RFX3: variants seen among roughly 807,000 people sequenced by gnomAD.
RFX3 encodes regulatory factor X3.
A neutral mutation model predicts 98.6 loss-of-function variants in RFX3; 14 were observed. The observed-to-expected ratio is 0.14, with a 90% CI of 0.09 to 0.22. The LOEUF (loss-of-function observed/expected upper bound fraction) is 0.22. Among genes scored for constraint, RFX3 ranks in the 10% least tolerant of loss-of-function variants. RFX3 has a pLI of 1.00. For synonymous variants in RFX3, 383 were observed against 328.4 expected (o/e 1.17, Z -1.80); for missense variants, 639 against 926.9 (o/e 0.69, Z 4.03).
intron 2 of RFX3, among the ~76,000 whole-genome samples, chr9:3,363,725 G>A (rs1170144037): frequency 6.6e-6 from 1 of 152,156 alleles, no homozygotes; most frequent in African/African-American, 2.4e-5. Context: ...ACAACTCAAA[G>A]ACATGGTGTC....
intron 4 of RFX3, among the ~76,000 whole-genome samples, chr9:3,325,515 T>C (rs1229230246): frequency 2.0e-5 from 3 of 152,138 alleles, no homozygotes; most frequent in East Asian, 3.8e-4. Context: ...CCCATTTAAA[T>C]GTATATACAT....
chr9:3,518,453 T>C (rs1202775077), intron 1 of RFX3, among the ~76,000 whole-genome samples: 1 of 151,952 alleles, frequency 6.6e-6, no homozygotes, highest in African/African-American at 2.4e-5. Flanking sequence ...GTGGGGAGAA[T>C]GGTGAAATGA....
At chr9:3,373,397 C>T (rs955487958) in intron 2 of RFX3, among the ~76,000 whole-genome samples, 2 of 152,138 alleles carry the variant, frequency 1.3e-5, no homozygotes, top group Non-Finnish European at 2.9e-5. Context: ...AGCTAATTCA[C>T]ACTCCCACCC....
chr9:3,232,550 G>C (rs1159246124), intron 15 of RFX3, among the ~76,000 whole-genome samples: 1 of 152,100 alleles, frequency 6.6e-6, no homozygotes, highest in African/African-American at 2.4e-5. Context: ...ATCCCACCTG[G>C]TATAGTGCCT....
intron 11 of RFX3, among the ~76,000 whole-genome samples, chr9:3,269,547 T>C (rs992966600): frequency 5.3e-5 from 8 of 152,276 alleles, no homozygotes; most frequent in African/African-American, 1.9e-4. Context: ...CATATAGATA[T>C]AGGCATAAAA....
At chr9:3,313,598 C>T (rs1462229760) in intron 4 of RFX3, among the ~76,000 whole-genome samples, 1 of 152,070 alleles carries the variant, frequency 6.6e-6, no homozygotes, top group African/African-American at 2.4e-5. Context: ...ATGTTCGAAC[C>T]CATCACAAAG....
chr9:3,423,294 A>T (rs1843615160), intron 1 of RFX3, among the ~76,000 whole-genome samples: 1 of 152,232 alleles, frequency 6.6e-6, no homozygotes, highest in African/African-American at 2.4e-5. Context: ...CTAAGTATTG[A>T]TCTAACAAAA....
At chr9:3,307,060 T>C (rs1274036290) in intron 4 of RFX3, among the ~76,000 whole-genome samples, 2 of 152,104 alleles carry the variant, frequency 1.3e-5, no homozygotes, top group Non-Finnish European at 2.9e-5. Context: ...CGGGAGTTTC[T>C]CTGCCCAAGC....
At chr9:3,401,210 G>C (rs1389106811) in intron 1 of RFX3, among the ~76,000 whole-genome samples, 1 of 152,122 alleles carries the variant, frequency 6.6e-6, no homozygotes, top group Non-Finnish European at 1.5e-5. Flanking sequence ...CTGAAGACCT[G>C]ATAAAAACAG....
chr9:3,420,850 T>G, intron 1 of RFX3: 1 of 985,212 alleles, frequency 1.0e-6, no homozygotes, highest in Non-Finnish European at 1.2e-6. Flanking sequence ...TTCTGTCCAT[T>G]TAAATCCCTT....
chr9:3,274,839 TATATATATATCCATATATAG>T (rs1426401538), intron 9 of RFX3, among the ~76,000 whole-genome samples: 2 of 151,828 alleles, frequency 1.3e-5, no homozygotes, highest in Non-Finnish European at 1.5e-5. Context: ...TCCTTCTGGA[TATATATATATCCATATATAG>T]ATATGTATAT....
At chr9:3,423,748 G>A (rs115242591) in intron 1 of RFX3, among the ~76,000 whole-genome samples, 1 of 134,288 alleles carries the variant, frequency 7.4e-6, no homozygotes, top group East Asian at 2.5e-4. Flanking sequence ...TTTTAAAAGG[G>A]TATATTTCAT....
intron 1 of RFX3, among the ~76,000 whole-genome samples, chr9:3,502,702 T>G (rs1816163379): frequency 6.6e-6 from 1 of 152,098 alleles, no homozygotes; most frequent in African/African-American, 2.4e-5. Context: ...TTTTCACGAT[T>G]TTTTTTTCCT....
At chr9:3,433,832 C>T (rs1428226215) in intron 1 of RFX3, among the ~76,000 whole-genome samples, 1 of 152,144 alleles carries the variant, frequency 6.6e-6, no homozygotes, top group African/African-American at 2.4e-5. Flanking sequence ...GCTTTGTGGG[C>T]TAGAGTCCCT....
chr9:3,492,543 ACTC>A (rs1326469844), intron 1 of RFX3, among the ~76,000 whole-genome samples: 1 of 151,990 alleles, frequency 6.6e-6, no homozygotes, highest in Non-Finnish European at 1.5e-5. Context: ...TCTTGACTAT[ACTC>A]CTCATGACAG....
chr9:3,342,369 T>C (rs1287083244), intron 3 of RFX3, among the ~76,000 whole-genome samples: 1 of 152,178 alleles, frequency 6.6e-6, no homozygotes, highest in Non-Finnish European at 1.5e-5. Context: ...TAATGTACAA[T>C]GGATCATGGT....
At chr9:3,357,298 C>A (rs1347334437) in intron 2 of RFX3, among the ~76,000 whole-genome samples, 1 of 151,930 alleles carries the variant, frequency 6.6e-6, no homozygotes, top group African/African-American at 2.4e-5. Flanking sequence ...ATTCTTGCTA[C>A]CTTCTCATCG....
At chr9:3,352,910 C>T (rs373961644) in intron 2 of RFX3, among the ~76,000 whole-genome samples, 72 of 151,986 alleles carry the variant, frequency 4.7e-4, no homozygotes, top group African/African-American at 1.6e-3. Context: ...ATGTTTATTG[C>T]GGCACTATTC....
intron 1 of RFX3, chr9:3,400,277 A>G (rs35824006): frequency 0.064 from 52,671 of 824,842 alleles, 1,860 homozygotes; most frequent in East Asian, 0.11. Flanking sequence ...CAACTACTTA[A>G]TAGGAGGAAT....
Sources: gnomAD v4.1 joint callset for allele counts (sites outside exome capture counted in the v4.1 genomes callset) on GRCh38, gnomAD v4.1.1 for gene constraint, MANE v1.5 for transcripts, NCBI Gene and HGNC (gene_info 2026-07-23, HGNC 2026-07-21) for gene names.